IREB2: variants seen among roughly 807,000 people sequenced by gnomAD.
IREB2 encodes the protein iron-responsive element-binding protein 2.
IREB2 carries 39 observed loss-of-function variants against 118.8 expected under a neutral mutation model. The ratio of observed to expected loss-of-function variants is 0.33; its 90% CI spans 0.25 to 0.43. The LOEUF (loss-of-function observed/expected upper bound fraction) is 0.43, where lower values mean the gene tolerates loss of function less well. IREB2 is among the 20% of genes least tolerant of loss of function. The probability of loss-of-function intolerance (pLI) is 1.00; values close to 1 mark genes in which losing one functional copy is unlikely to be tolerated. For missense variants in IREB2, 900 were observed against 1,147.3 expected (o/e 0.78, Z 3.11); for synonymous variants, 372 against 392.2 (o/e 0.95, Z 0.61).
At chr15:78,445,615 T>C (rs886469026) in intron 2 of IREB2, among the ~76,000 whole-genome samples, 1 of 152,186 alleles carries the variant, frequency 6.6e-6, no homozygotes, top group Non-Finnish European at 1.5e-5. Context: ...CTGGTTTCCT[T>C]ATTTTCTGTT....
rs186821594 is a variant in IREB2, at chr15:78,438,265, C to G, written c.-73C>G. 19 of 1,195,830 alleles carry G rather than the reference C, an allele frequency of 1.6e-5. No individual in the cohort carries two copies. The highest frequency in any genetic ancestry group is 2.6e-5 in the South Asian group (2 of 77,052). The allele number at this position is 1,195,830 out of a possible 1,614,324, so 74.1% of individuals were successfully genotyped here. ...TTGCCAGTCCGCCTGTCTTCCTCCC[C>G]GTCTTCCCTGCCCGGCCTCCCCCTT... On this transcript the variant is annotated 5_prime_UTR_variant, in exon 1 of 22. Transcript: ENST00000258886.
chr15:78,499,277 G>A lies in IREB2; in HGVS notation c.*1134G>A, dbSNP rs2051897182. The A allele has an allele frequency of 6.6e-6, 1 of 152,152 alleles. No individual in the cohort carries two copies. Among genetic ancestry groups the A allele is most frequent in the African/African-American group, 2.4e-5 (1 of 41,436 alleles). The allele number at this position is 152,152 out of a possible 1,614,324, so 9.4% of individuals were successfully genotyped here. The stretch of plus-strand genomic sequence containing the variant: ...AGTACTATATATCCTCAATATGCAT[G>A]TCTGCCCATCACATCAAATGTTCTG... On this transcript the variant is annotated 3_prime_UTR_variant, in exon 22 of 22. Coordinates refer to ENST00000258886, the MANE Select transcript of IREB2 (RefSeq NM_004136.4).
At chr15:78,497,105 T>TA (rs1390867851) in intron 20 of IREB2, 21 bp from the exon 21 acceptor site, 1 of 1,596,700 alleles carries the variant, frequency 6.3e-7, no homozygotes, top group East Asian at 2.2e-5. Flanking sequence ...TTAGAGGGAA[T>TA]AAAATGCACA....
At position 78,449,685 on chromosome 15, in the gene IREB2, CTG is replaced by C. The variant is rs377205468; in HGVS notation, c.106+9808_106+9809del. 4.8e-3 allele frequency among the ~76,000 whole-genome samples: 726 copies of C among 152,308 alleles called. 6 individuals carry two copies. Among genetic ancestry groups the C allele is most frequent in the African/African-American group, 0.016 (668 of 41,566 alleles). The stretch of plus-strand genomic sequence containing the variant: ...TGTGACCTCTGTACTGAGAGATACA[CTG>C]TGTTTTCTAATCTTTGCAGCAGCTA... On this transcript the variant is annotated intron_variant, in intron 2 of 21. Transcript: ENST00000258886.
chr15:78,483,609 T>C (rs999921693), intron 11 of IREB2, among the ~76,000 whole-genome samples, 175 bp downstream of exon 11: 1 of 152,174 alleles, frequency 6.6e-6, no homozygotes, highest in Non-Finnish European at 1.5e-5. Context: ...TAGGTAAGCT[T>C]GTTCCCAGTT....
chr15:78,459,995 A>G (rs2051170672), intron 2 of IREB2, among the ~76,000 whole-genome samples: 1 of 152,188 alleles, frequency 6.6e-6, no homozygotes, highest in South Asian at 2.1e-4. Flanking sequence ...TTATTTTTGC[A>G]AGATAGTAAG....
At chr15:78,472,964 C>T (rs2051404754) in intron 7 of IREB2, among the ~76,000 whole-genome samples, 1 of 152,082 alleles carries the variant, frequency 6.6e-6, no homozygotes, top group African/African-American at 2.4e-5. Context: ...CAGTGCAGTG[C>T]CTAACATAAT....
chr15:78,463,370 G>A (rs547214428), intron 3 of IREB2, among the ~76,000 whole-genome samples: 1 of 152,234 alleles, frequency 6.6e-6, no homozygotes, highest in East Asian at 1.9e-4. Context: ...AAGCCCAGGA[G>A]GTTGAGGCTG....
rs971967780 is a variant in IREB2 at position 78,438,228 on chromosome 15, T to G, written c.-110T>G. 8.1e-6 allele frequency: 7 copies of G among 864,246 alleles called. No homozygotes were observed. The highest frequency in any genetic ancestry group is 1.7e-5 in the African/African-American group (1 of 59,984). The allele number at this position is 864,246 out of a possible 1,614,324, so 53.5% of individuals were successfully genotyped here. ...GCGATATTTGCGCGAGCCTGCTTCC[T>G]TCTTTCCTCCCTTGCCAGTCCGCCT... On this transcript the variant is annotated 5_prime_UTR_variant, in exon 1 of 22. Coordinates refer to ENST00000258886, the MANE Select transcript of IREB2 (RefSeq NM_004136.4).
intron 2 of IREB2, among the ~76,000 whole-genome samples, chr15:78,457,663 C>T (rs762024918): frequency 6.6e-6 from 1 of 152,052 alleles, no homozygotes; most frequent in Non-Finnish European, 1.5e-5. Flanking sequence ...AGCTGTCTCT[C>T]CTCTGTTCTG....
intron 2 of IREB2, among the ~76,000 whole-genome samples, chr15:78,459,106 T>C (rs972661468): frequency 1.3e-5 from 2 of 152,058 alleles, no homozygotes; most frequent in African/African-American, 4.8e-5. Flanking sequence ...AGTATATTCT[T>C]AACGGGAAAA....
chr15:78,473,973 A>G (rs1281064357), intron 8 of IREB2: 1 of 152,070 alleles, frequency 6.6e-6, no homozygotes, highest in African/African-American at 2.4e-5. Context: ...GTGATATATC[A>G]TTTTTCTGTT....
At chr15:78,485,216 A>C (rs1168460347) in intron 12 of IREB2, among the ~76,000 whole-genome samples, 1 of 152,260 alleles carries the variant, frequency 6.6e-6, no homozygotes, top group Non-Finnish European at 1.5e-5. Context: ...ATTATCTAGA[A>C]GTTAACCATA....
At chr15:78,481,366 CT>C (rs796838049) in intron 10 of IREB2, among the ~76,000 whole-genome samples, 27 of 147,530 alleles carry the variant, frequency 1.8e-4, no homozygotes, top group African/African-American at 2.2e-4. Context: ...CCATGCCCGG[CT>C]TTTTTTTTTG....
rs905741 is a variant in IREB2, at chr15:78,461,604, G to T, written c.107-1318G>T. ...ACTAAATTACATATATAGAACAATGGTTAGACAATCTGAACTAATGTAACT... is the reference window on the plus strand; with the variant it reads ...ACTAAATTACATATATAGAACAATGTTTAGACAATCTGAACTAATGTAACT... On this transcript the variant is annotated intron_variant, in intron 2 of 21. Transcript: ENST00000258886. Among the ~76,000 whole-genome samples the T allele has an allele frequency of 1.6e-4, 24 of 152,138 alleles. No homozygotes were observed. In the South Asian group the frequency reaches 4.6e-3, roughly 29 times the overall value.
intron 5 of IREB2, among the ~76,000 whole-genome samples, chr15:78,467,903 G>C (rs1322546149): frequency 6.6e-6 from 1 of 151,994 alleles, no homozygotes; most frequent in African/African-American, 2.4e-5. Context: ...TCTATTGCCT[G>C]GGCTGAAGTG....
intron 18 of IREB2, among the ~76,000 whole-genome samples, chr15:78,493,439 C>T (rs2051785317): frequency 6.6e-6 from 1 of 152,142 alleles, no homozygotes; most frequent in South Asian, 2.1e-4. Flanking sequence ...TAAGTGGACC[C>T]ACACAACTCA....
At position 78,473,277 on chromosome 15, in the gene IREB2, G is replaced by C; in HGVS notation, c.919G>C (p.Gly307Arg). 1.2e-6 allele frequency: 2 copies of C among 1,614,010 alleles called. No homozygotes were observed. Among genetic ancestry groups the C allele is most frequent in the Non-Finnish European group, 1.7e-6 (2 of 1,179,880 alleles). Reference protein sequence around the residue: ...GGIETEAVMLGLPVSLTLPEV... With the variant: ...GGIETEAVMLRLPVSLTLPEV... ...CATTGAAACAGAAGCAGTTATGCTT[G>C]GTCTGCCAGTTTCTCTTACTTTACC... The change falls in exon 8 of 22, where the codon GGT (glycine) becomes CGT (arginine). Residue 307 changes from glycine to arginine, a missense_variant. Coordinates refer to ENST00000258886, the MANE Select transcript of IREB2 (RefSeq NM_004136.4).
At chr15:78,469,422 A>T (rs1046665531) in intron 5 of IREB2, among the ~76,000 whole-genome samples, 3 of 144,558 alleles carry the variant, frequency 2.1e-5, no homozygotes, top group Non-Finnish European at 3.1e-5. Context: ...ATCTTTGTTT[A>T]AAAAAAAAAA....
Sources: gnomAD v4.1 joint callset for allele counts (sites outside exome capture counted in the v4.1 genomes callset) on GRCh38, gnomAD v4.1.1 for gene constraint, MANE v1.5 for transcripts, NCBI Gene and HGNC (gene_info 2026-07-23, HGNC 2026-07-21) for gene names.